The following SFXN2 variants were observed in gnomAD, a reference collection of about 807,000 sequenced individuals.
SFXN2 encodes the protein sideroflexin 2, also known as sideroflexin-2.
Under a neutral mutation model 41.9 loss-of-function variants are expected in SFXN2, and 37 were observed. That is an observed-to-expected ratio of 0.88 (90% CI 0.68 to 1.16). The LOEUF (loss-of-function observed/expected upper bound fraction) is 1.16. Among genes scored for constraint, SFXN2 ranks in the 50% most tolerant of loss-of-function variants. The pLI is 0.00. For synonymous variants in SFXN2, 150 were observed against 156.7 expected (o/e 0.96, Z 0.32); for missense variants, 386 against 425.2 (o/e 0.91, Z 0.81).
Position 102,743,029 on chromosome 10 carries a change from T to G in SFXN2, c.*5267T>G, listed in dbSNP as rs1394647095. The G allele has an allele frequency of 6.6e-6, 1 of 152,080 alleles. No individual in the cohort carries two copies. Among genetic ancestry groups the G allele is most frequent in the Admixed American group, 6.6e-5 (1 of 15,244 alleles). The allele number at this position is 152,080 out of a possible 1,614,324, so 9.4% of individuals were successfully genotyped here. A position where few individuals can be genotyped will look rare whatever the true frequency, so the allele number is the denominator to read the frequency against. ...TGTGAGTGGAATGTGTGGGAAAATGTAGTGGTGAGAGGTGAGATAAAGAGA... is the reference window on the plus strand; with the variant it reads ...TGTGAGTGGAATGTGTGGGAAAATGGAGTGGTGAGAGGTGAGATAAAGAGA... On this transcript the variant is annotated 3_prime_UTR_variant, in exon 12 of 12. Coordinates refer to ENST00000369893, the MANE Select transcript of SFXN2 (RefSeq NM_178858.6).
intron 7 of SFXN2, 105 bp from the exon 8 acceptor site, chr10:102,732,047 C>A: frequency 8.9e-7 from 1 of 1,122,080 alleles, no homozygotes; most frequent in Non-Finnish European, 1.3e-6. Flanking sequence ...CCTTCCCTTC[C>A]CCTTTACCAT....
chr10:102,737,781 G>C lies in SFXN2; in HGVS notation c.*19G>C. 6.5e-7 allele frequency: 1 copy of C among 1,549,062 alleles called. No homozygotes were observed. Among genetic ancestry groups the C allele is most frequent in the Admixed American group, 1.7e-5 (1 of 59,566 alleles). The stretch of plus-strand genomic sequence containing the variant: ...TCTCTAAATGCCCCACTTCAGCAAG[G>C]ACCAGTCTATTCCCATATTCACCAG... On this transcript the variant is annotated 3_prime_UTR_variant, in exon 12 of 12. Transcript: ENST00000369893.
At chr10:102,729,135 G>A (rs2064658376) in intron 4 of SFXN2, among the ~76,000 whole-genome samples, 184 bp from the exon 5 acceptor site, 2 of 152,210 alleles carry the variant, frequency 1.3e-5, no homozygotes, top group African/African-American at 4.8e-5. Flanking sequence ...TCACAGTACT[G>A]AAAGAAGACC....
chr10:102,731,509 A>G (rs1051094379), intron 6 of SFXN2, among the ~76,000 whole-genome samples: 1 of 152,100 alleles, frequency 6.6e-6, no homozygotes, highest in Non-Finnish European at 1.5e-5. Context: ...CTCAACCCAG[A>G]CAGTCCGGGC....
chr10:102,736,738 T>C (rs1357750676), intron 11 of SFXN2, among the ~76,000 whole-genome samples: 1 of 150,742 alleles, frequency 6.6e-6, no homozygotes, highest in South Asian at 2.1e-4. Flanking sequence ...TTAGTAGAGA[T>C]GGGGTTTCAC....
chr10:102,715,645 C>T (rs1204768272), intron 1 of SFXN2, among the ~76,000 whole-genome samples: 1 of 152,106 alleles, frequency 6.6e-6, no homozygotes, highest in Non-Finnish European at 1.5e-5. Flanking sequence ...TTTCACAACC[C>T]CTAGAAATTG....
At chr10:102,728,559 G>C (rs775754257) in intron 4 of SFXN2, 30 bp downstream of exon 4, 1 of 1,593,868 alleles carries the variant, frequency 6.3e-7, no homozygotes, top group Non-Finnish European at 8.6e-7. Flanking sequence ...GGCTGTCCTC[G>C]TGTCTCCCCA....
chr10:102,724,990 C>T (rs2064569978), intron 1 of SFXN2: 1 of 149,796 alleles, frequency 6.7e-6, no homozygotes, highest in Non-Finnish European at 1.5e-5. Context: ...GTGAGAGGAA[C>T]TGAGGGGTGA....
rs763216101 is a variant in SFXN2 at position 102,731,720 on chromosome 10, T to G, written c.594-3T>G. On this transcript the variant is annotated splice_polypyrimidine_tract_variant and splice_region_variant and intron_variant, in intron 6 of 11. Transcript: ENST00000369893. Reference sequence around the variant, plus strand: ...AAGTCCATTAACTCCTGTCTGTGTTTAGGGAGCTCATAAAGGGAATCTGCG... The same window carrying G: ...AAGTCCATTAACTCCTGTCTGTGTTGAGGGAGCTCATAAAGGGAATCTGCG... 2.5e-6 allele frequency: 4 copies of G among 1,613,470 alleles called. No individual in the cohort carries two copies. The African/African-American group carries it at 5.3e-5, about 22-fold the overall frequency.
intron 11 of SFXN2, among the ~76,000 whole-genome samples, chr10:102,736,946 A>C (rs933720332): frequency 6.6e-6 from 1 of 151,612 alleles, no homozygotes; most frequent in Non-Finnish European, 1.5e-5. Context: ...CCTGAGGTCG[A>C]GAGTTCAAGA....
rs1468239459 is a variant in SFXN2 at position 102,739,914 on chromosome 10, A to AG, written c.*2153dup. Reference sequence around the variant, plus strand: ...GGCGACTCCGTCTCAAAAAAAAAAAAGAAAACACATCAGAATTAGCTGGCA... The same window carrying AG: ...GGCGACTCCGTCTCAAAAAAAAAAAAGGAAAACACATCAGAATTAGCTGGCA... On this transcript the variant is annotated 3_prime_UTR_variant, in exon 12 of 12. Coordinates refer to ENST00000369893, the MANE Select transcript of SFXN2 (RefSeq NM_178858.6). The AG allele has an allele frequency of 3.3e-5, 5 of 151,912 alleles. No individual in the cohort carries two copies. In the East Asian group the frequency reaches 9.6e-4, roughly 29 times the overall value. 9.4% of individuals were successfully genotyped at this position (151,912 alleles called of 1,614,324 possible). A position where few individuals can be genotyped will look rare whatever the true frequency, so the allele number is the denominator to read the frequency against.
Position 102,737,687 on chromosome 10 carries a change from A to G in SFXN2, c.894A>G (p.Glu298=). 6.2e-7 allele frequency: 1 copy of G among 1,612,888 alleles called. No homozygotes were observed. Among genetic ancestry groups the G allele is most frequent in the Non-Finnish European group, 8.5e-7 (1 of 1,179,026 alleles). Residue 298 remains glutamate (E), a synonymous_variant, in exon 12 of 12, where the codon GAA becomes GAG. Coordinates refer to ENST00000369893, the MANE Select transcript of SFXN2 (RefSeq NM_178858.6). Reference sequence around the variant, plus strand: ...GTGAATTGCCAGTTTCCTATCTGGAACCGAAGCTCCAAGACACTATCAAGG... The same window carrying G: ...GTGAATTGCCAGTTTCCTATCTGGAGCCGAAGCTCCAAGACACTATCAAGG... ...QKCELPVSYL[E]PKLQDTIKAK...
At chr10:102,723,868 A>G (rs1318925252) in intron 1 of SFXN2, among the ~76,000 whole-genome samples, 1 of 151,992 alleles carries the variant, frequency 6.6e-6, no homozygotes, top group Non-Finnish European at 1.5e-5. Context: ...GTACACGTGC[A>G]GGTTTGTTAC....
At position 102,727,431 on chromosome 10, in the gene SFXN2, A is replaced by AT. The variant is rs1313906042; in HGVS notation, c.332+278dup. Among the ~76,000 whole-genome samples the AT allele has an allele frequency of 2.6e-5, 4 of 152,338 alleles. No individual in the cohort carries two copies. The East Asian group carries it at 7.7e-4, about 29-fold the overall frequency. ...ACAGGCAGGAAATATGGGTGCCTGG[A>AT]TTTTAACTGAGGCAGTCCTGTGTAG... On this transcript the variant is annotated intron_variant, in intron 3 of 11. Coordinates refer to ENST00000369893, the MANE Select transcript of SFXN2 (RefSeq NM_178858.6).
chr10:102,734,409 A>G lies in SFXN2; in HGVS notation c.821+806A>G, dbSNP rs911439911. 2.4e-4 allele frequency among the ~76,000 whole-genome samples: 36 copies of G among 152,180 alleles called. No individual in the cohort carries two copies. The highest frequency in any genetic ancestry group is 8.2e-4 in the African/African-American group (34 of 41,430). Reference sequence around the variant, plus strand: ...TTTTCTCTGTGTCCCCACTGAACCCAGTGTTTCATATCTATAATTTCACTT... The same window carrying G: ...TTTTCTCTGTGTCCCCACTGAACCCGGTGTTTCATATCTATAATTTCACTT... On this transcript the variant is annotated intron_variant, in intron 10 of 11. Transcript: ENST00000369893. The surrounding 1 kb of genome is among the most constrained non-coding windows in gnomAD (Gnocchi z 4.1).
chr10:102,721,164 C>T (rs184468186), intron 1 of SFXN2, among the ~76,000 whole-genome samples: 154 of 152,178 alleles, frequency 1.0e-3, no homozygotes, highest in Non-Finnish European at 1.9e-3. Flanking sequence ...TGAGCCAATT[C>T]GCTAATTCCT....
chr10:102,726,469 C>T, intron 1 of SFXN2, 143 bp from the exon 2 acceptor site: 1 of 764,942 alleles, frequency 1.3e-6, no homozygotes, highest in Non-Finnish European at 2.1e-6. Context: ...ATCTGATGAC[C>T]ATTCACTTGG....
Position 102,738,166 on chromosome 10 carries a change from C to T in SFXN2, c.*404C>T, listed in dbSNP as rs1467200031. On this transcript the variant is annotated 3_prime_UTR_variant, in exon 12 of 12. Coordinates refer to ENST00000369893, the MANE Select transcript of SFXN2 (RefSeq NM_178858.6). The stretch of plus-strand genomic sequence containing the variant: ...CTCTTTCTTCTTCGCTTCCTCCTCT[C>T]CCAAGCAATGGAAACTTTTACCCAT... The T allele has an allele frequency of 1.3e-5, 2 of 153,348 alleles. No individual in the cohort carries two copies. Among genetic ancestry groups the T allele is most frequent in the East Asian group, 3.8e-4 (2 of 5,274 alleles). 9.5% of individuals were successfully genotyped at this position (153,348 alleles called of 1,614,324 possible). A position where few individuals can be genotyped will look rare whatever the true frequency, so the allele number is the denominator to read the frequency against.
rs1278543213 is a variant in SFXN2, at chr10:102,733,719, C to A, written c.821+116C>A. 4 of 862,576 alleles carry A rather than the reference C, an allele frequency of 4.6e-6. No individual in the cohort carries two copies. The Admixed American group carries it at 5.8e-5, about 12-fold the overall frequency. The allele number at this position is 862,576 out of a possible 1,614,324, so 53.4% of individuals were successfully genotyped here. A position where few individuals can be genotyped will look rare whatever the true frequency, so the allele number is the denominator to read the frequency against. On this transcript the variant is annotated intron_variant, in intron 10 of 11. Coordinates refer to ENST00000369893, the MANE Select transcript of SFXN2 (RefSeq NM_178858.6). ...TCCTTTACCTGACTTTAAAAGTGGT[C>A]AAGCTCAGAATACCTGTGGTCCATC...
Sources: gnomAD v4.1 joint callset for allele counts (sites outside exome capture counted in the v4.1 genomes callset) on GRCh38, gnomAD v4.1.1 for gene constraint, Gnocchi (gnomAD v3.1) non-coding constraint, MANE v1.5 for transcripts, NCBI Gene and HGNC (gene_info 2026-07-23, HGNC 2026-07-21) for gene names.